The following DNM3 variants were observed in gnomAD, a reference collection of about 807,000 sequenced individuals.
DNM3 encodes the protein dynamin 3, also known as dynamin-3.
A neutral mutation model predicts 101.6 loss-of-function variants in DNM3; 47 were observed. The ratio of observed to expected loss-of-function variants is 0.46; its 90% CI spans 0.37 to 0.59. DNM3 has a LOEUF of 0.59. Among genes scored for constraint, DNM3 ranks in the 20% least tolerant of loss-of-function variants. The probability of loss-of-function intolerance (pLI) is 0.00; values close to 1 mark genes in which losing one functional copy is unlikely to be tolerated. For synonymous variants in DNM3, 385 were observed against 387.9 expected (o/e 0.99, Z 0.09); for missense variants, 849 against 1,085.7 (o/e 0.78, Z 3.06).
At chr1:171,848,557 A>T (rs895409965) in intron 1 of DNM3, among the ~76,000 whole-genome samples, 10 of 152,308 alleles carry the variant, frequency 6.6e-5, no homozygotes, top group Non-Finnish European at 1.5e-4. Flanking sequence ...AACCAACACG[A>T]GCTTCTGAAA....
chr1:171,982,674 G>T (rs890775754), intron 2 of DNM3, among the ~76,000 whole-genome samples: 9 of 151,690 alleles, frequency 5.9e-5, no homozygotes, highest in African/African-American at 1.9e-4. Flanking sequence ...GTGTGTGTGT[G>T]TGTGTGTGTA....
chr1:172,384,201 A>C (rs924574697), intron 18 of DNM3, among the ~76,000 whole-genome samples: 1 of 152,182 alleles, frequency 6.6e-6, no homozygotes. Flanking sequence ...AGGAGAGAAG[A>C]GTATCTCTAA....
chr1:172,346,237 G>A (rs781592519), intron 17 of DNM3, among the ~76,000 whole-genome samples: 5 of 152,274 alleles, frequency 3.3e-5, no homozygotes, highest in Non-Finnish European at 5.9e-5. Context: ...AGAAAGCTAT[G>A]GAAAAGAGAA....
Position 171,958,181 on chromosome 1 carries a change from G to T in DNM3, c.236-29475G>T, listed in dbSNP as rs1247962738. On this transcript the variant is annotated intron_variant, in intron 2 of 20. Coordinates refer to ENST00000627582, the MANE Select transcript of DNM3 (RefSeq NM_015569.5). ...GAAACTCCCCTTTATAAAACCATCAGATCTCATGAGACTTATTCACTATCA... is the reference window on the plus strand; with the variant it reads ...GAAACTCCCCTTTATAAAACCATCATATCTCATGAGACTTATTCACTATCA... Among the ~76,000 whole-genome samples the T allele has an allele frequency of 3.3e-5, 5 of 152,156 alleles. No homozygotes were observed. In the South Asian group the frequency reaches 8.3e-4, roughly 25 times the overall value.
Position 172,133,375 on chromosome 1 carries a change from G to A in DNM3, c.1659+2087G>A, listed in dbSNP as rs568301396. ...ATTACAACAAATGGAAAATAAATAT[G>A]CACAGTTATAATATTAACCAAGTGC... On this transcript the variant is annotated intron_variant, in intron 14 of 20. Transcript: ENST00000627582. 6 of 991,040 alleles carry A rather than the reference G, an allele frequency of 6.1e-6. No individual in the cohort carries two copies. The South Asian group carries it at 2.3e-4, about 38-fold the overall frequency. The allele number at this position is 991,040 out of a possible 1,614,324, so 61.4% of individuals were successfully genotyped here. A position where few individuals can be genotyped will look rare whatever the true frequency, so the allele number is the denominator to read the frequency against.
At chr1:172,381,769 C>A (rs2068921795) in intron 18 of DNM3, among the ~76,000 whole-genome samples, 1 of 152,070 alleles carries the variant, frequency 6.6e-6, no homozygotes, top group African/African-American at 2.4e-5. Context: ...GAAAACTAGT[C>A]TTTTGACTCC....
At chr1:172,160,660 C>T (rs1157426804) in intron 14 of DNM3, among the ~76,000 whole-genome samples, 1 of 151,880 alleles carries the variant, frequency 6.6e-6, no homozygotes, top group Non-Finnish European at 1.5e-5. Flanking sequence ...GACTGTTTTA[C>T]AGTTAACTTT....
At chr1:172,370,374 C>T (rs1211050224) in intron 17 of DNM3, 4 of 151,840 alleles carry the variant, frequency 2.6e-5, no homozygotes, top group Admixed American at 2.6e-4. Context: ...CTATATTTCC[C>T]TTTTAGTACT....
chr1:172,045,499 C>T (rs1276133280), intron 9 of DNM3, among the ~76,000 whole-genome samples: 2 of 152,090 alleles, frequency 1.3e-5, no homozygotes, highest in Non-Finnish European at 2.9e-5. Flanking sequence ...GTTCTGCCCT[C>T]ATGATGTAAT....
intron 17 of DNM3, among the ~76,000 whole-genome samples, chr1:172,368,223 G>T (rs2068130842): frequency 6.6e-6 from 1 of 151,772 alleles, no homozygotes; most frequent in Non-Finnish European, 1.5e-5. Context: ...CATATGTTAG[G>T]CTACAAAACA....
intron 4 of DNM3, among the ~76,000 whole-genome samples, chr1:172,008,136 T>TC (rs201372357): frequency 2.0e-5 from 3 of 151,970 alleles, no homozygotes; most frequent in African/African-American, 7.2e-5. Flanking sequence ...TTGCAAATTT[T>TC]TTTTTTCTAT....
intron 14 of DNM3, chr1:172,144,532 C>T: frequency 2.0e-6 from 1 of 488,538 alleles, no homozygotes. Context: ...CGGTCCATGG[C>T]GTTGCTCTCC....
chr1:171,901,386 AT>A (rs2038342964), intron 1 of DNM3, among the ~76,000 whole-genome samples: 1 of 152,048 alleles, frequency 6.6e-6, no homozygotes. Flanking sequence ...GTTCCTCTAG[AT>A]TACTCACCAG....
rs181998581 is a variant in DNM3, at chr1:171,887,007, G to A, written c.162-34741G>A. Among the ~76,000 whole-genome samples the A allele has an allele frequency of 2.2e-3, 328 of 152,202 alleles. 1 individual carries two copies. The highest frequency in any genetic ancestry group is 5.2e-3 in the South Asian group (25 of 4,820). On this transcript the variant is annotated intron_variant, in intron 1 of 20. Transcript: ENST00000627582. ...TGTGATTTGATAATAACGTAAAATC[G>A]TCAAATACAAGGGCAGGAGAAGGTA...
chr1:172,129,497 A>C (rs1461700221), intron 13 of DNM3, among the ~76,000 whole-genome samples: 1 of 152,142 alleles, frequency 6.6e-6, no homozygotes, highest in Non-Finnish European at 1.5e-5. Context: ...GACTGGGAAG[A>C]AAAAGAAAAA....
At chr1:171,884,920 C>T (rs1313183717) in intron 1 of DNM3, among the ~76,000 whole-genome samples, 1 of 152,156 alleles carries the variant, frequency 6.6e-6, no homozygotes, top group African/African-American at 2.4e-5. Flanking sequence ...GATGTGTGAG[C>T]AAATGGGGCA....
chr1:172,197,180 C>T (rs539549721), intron 14 of DNM3, among the ~76,000 whole-genome samples: 1 of 152,094 alleles, frequency 6.6e-6, no homozygotes, highest in Non-Finnish European at 1.5e-5. Context: ...TTCCCCATTG[C>T]TTCTTTTTTT....
At chr1:172,105,243 G>A (rs2054927732) in intron 13 of DNM3, among the ~76,000 whole-genome samples, 1 of 152,290 alleles carries the variant, frequency 6.6e-6, no homozygotes, top group East Asian at 1.9e-4. Context: ...TCTATGGCTA[G>A]GTATTGCCTT....
At chr1:172,033,887 T>G (rs1311557432) in intron 6 of DNM3, among the ~76,000 whole-genome samples, 1 of 152,170 alleles carries the variant, frequency 6.6e-6, no homozygotes, top group Non-Finnish European at 1.5e-5. Context: ...TTACAGATAT[T>G]CCTTCCCCTA....
Sources: allele counts gnomAD v4.1 joint callset (sites outside exome capture counted in the v4.1 genomes callset), GRCh38; gene constraint gnomAD v4.1.1; transcripts MANE v1.5; gene names NCBI Gene and HGNC (gene_info 2026-07-23, HGNC 2026-07-21).